The following NRDE2 variants were observed in gnomAD, a reference collection of about 807,000 sequenced individuals.
NRDE2 encodes NRDE-2, necessary for RNA interference, domain containing, also known as nuclear exosome regulator NRDE2.
A neutral mutation model predicts 124.2 loss-of-function variants in NRDE2; 76 were observed. The observed-to-expected ratio is 0.61, with a 90% CI of 0.51 to 0.74. The LOEUF (loss-of-function observed/expected upper bound fraction) is 0.74, where lower values mean the gene tolerates loss of function less well. Among genes scored for constraint, NRDE2 ranks in the 30% least tolerant of loss-of-function variants. The pLI, the probability that NRDE2 is intolerant of heterozygous loss-of-function variation, is 0.00. For missense variants in NRDE2, 1,314 were observed against 1,417.3 expected, an observed-to-expected ratio of 0.93 and a Z score of 1.17; for synonymous variants, 489 against 528.1, an observed-to-expected ratio of 0.93 and a Z score of 1.01.
intron 7 of NRDE2, among the ~76,000 whole-genome samples, chr14:90,298,817 T>G (rs998982294): frequency 6.6e-6 from 1 of 152,168 alleles, no homozygotes; most frequent in Admixed American, 6.5e-5. Context: ...CCAGTTCACC[T>G]AGTATCACTG....
chr14:90,298,230 A>C (rs534162011), intron 8 of NRDE2, 30 bp downstream of exon 8: 1 of 1,608,074 alleles, frequency 6.2e-7, no homozygotes, highest in African/African-American at 1.3e-5. Flanking sequence ...AAGAAACAGA[A>C]GTACACGTCT....
chr14:90,284,653 G>A (rs1222301722), intron 12 of NRDE2, among the ~76,000 whole-genome samples: 1 of 152,142 alleles, frequency 6.6e-6, no homozygotes, highest in Non-Finnish European at 1.5e-5. Context: ...ACAGGCATGA[G>A]CCACCACACC....
chr14:90,320,935 C>G (rs938022420), intron 1 of NRDE2, among the ~76,000 whole-genome samples: 1 of 152,220 alleles, frequency 6.6e-6, no homozygotes, highest in Non-Finnish European at 1.5e-5. Context: ...CTTCTACTCT[C>G]TTTTTCCTTC....
chr14:90,287,888 C>T (rs182434374), intron 11 of NRDE2, among the ~76,000 whole-genome samples: 82 of 152,212 alleles, frequency 5.4e-4, no homozygotes, highest in African/African-American at 1.9e-3. Context: ...CACCTGGCCC[C>T]GGTGCTCTTA....
intron 1 of NRDE2, among the ~76,000 whole-genome samples, chr14:90,321,564 A>AG (rs1595077868): frequency 6.6e-6 from 1 of 151,568 alleles, no homozygotes; most frequent in African/African-American, 2.4e-5. Flanking sequence ...AAAAAAAAAA[A>AG]AAAAGAAAAG....
chr14:90,313,854 T>G (rs1884944768), intron 3 of NRDE2, among the ~76,000 whole-genome samples: 1 of 152,198 alleles, frequency 6.6e-6, no homozygotes, highest in Non-Finnish European at 1.5e-5. Flanking sequence ...AATAAATAGT[T>G]GTTGAATGAT....
chr14:90,298,522 C>G, intron 7 of NRDE2, 142 bp from the exon 8 acceptor site: 1 of 832,724 alleles, frequency 1.2e-6, no homozygotes, highest in Non-Finnish European at 1.9e-6. Flanking sequence ...TAGATACATG[C>G]TACACACCCC....
At chr14:90,315,010 C>T (rs71426950) in intron 3 of NRDE2, among the ~76,000 whole-genome samples, 1 of 151,564 alleles carries the variant, frequency 6.6e-6, no homozygotes, top group African/African-American at 2.4e-5. Context: ...AACCCCGTCT[C>T]TACTAAAAAC....
chr14:90,318,191 A>G (rs1451171532), intron 1 of NRDE2, 78 bp from the exon 2 acceptor site: 8 of 1,147,332 alleles, frequency 7.0e-6, no homozygotes, highest in Non-Finnish European at 1.0e-5. Context: ...CCATCTTATC[A>G]GCTGACATCC....
In NRDE2 at chr14:90,277,693, C is replaced by A. The variant is rs139447815; in HGVS notation, c.*643G>T. 2 of 152,458 alleles carry A rather than the reference C, an allele frequency of 1.3e-5. No individual in the cohort carries two copies. Among genetic ancestry groups the A allele is most frequent in the Non-Finnish European group, 2.9e-5 (2 of 68,116 alleles). 9.4% of individuals were successfully genotyped at this position (152,458 alleles called of 1,614,324 possible). A position where few individuals can be genotyped will look rare whatever the true frequency, so the allele number is the denominator to read the frequency against. ...TGCCAGTGCCCCGGGCAGCCTTCCA[C>A]ACTCAAGTGGCCTGGGACCTGCTGA... On this transcript the variant is annotated 3_prime_UTR_variant, in exon 14 of 14. Transcript: ENST00000354366.
intron 7 of NRDE2, among the ~76,000 whole-genome samples, chr14:90,300,518 G>A (rs904387972): frequency 6.6e-6 from 1 of 151,828 alleles, no homozygotes; most frequent in African/African-American, 2.4e-5. Context: ...TTATTTAGTG[G>A]AAAAAGGGAA....
At position 90,271,539 on chromosome 14, in the gene NRDE2, T is replaced by TA. The variant is rs1162763424; in HGVS notation, c.*6796dup. On this transcript the variant is annotated 3_prime_UTR_variant, in exon 14 of 14. Transcript: ENST00000354366. ...ATTCCATAGTATAGATACTGCCACTTACAGTATCTAACCAGAATACATGTT... is the reference window on the plus strand; with the variant it reads ...ATTCCATAGTATAGATACTGCCACTTAACAGTATCTAACCAGAATACATGTT... The TA allele has an allele frequency of 1.3e-5, 2 of 152,246 alleles. No homozygotes were observed. The highest frequency in any genetic ancestry group is 2.4e-5 in the African/African-American group (1 of 41,456). 9.4% of individuals were successfully genotyped at this position (152,246 alleles called of 1,614,324 possible). A position where few individuals can be genotyped will look rare whatever the true frequency, so the allele number is the denominator to read the frequency against.
In NRDE2 at chr14:90,292,811, C is replaced by T; in HGVS notation, c.1728G>A (p.Arg576=). 6.2e-7 allele frequency: 1 copy of T among 1,614,064 alleles called. No individual in the cohort carries two copies. Among genetic ancestry groups the T allele is most frequent in the Non-Finnish European group, 8.5e-7 (1 of 1,179,894 alleles). ...GCTCAGCAGCAAGCCAGATCTGCCA[C>T]CTGGGCAGAGTCTTATCTTTTATTT... ...DQEIKDKTLP[R]WQIWLAAERS... is the part of the protein sequence containing the mutation. Residue 576 remains arginine, a synonymous_variant, in exon 9 of 14, where the codon AGG becomes AGA. Coordinates refer to ENST00000354366, the MANE Select transcript of NRDE2 (RefSeq NM_017970.4).
intron 1 of NRDE2, among the ~76,000 whole-genome samples, chr14:90,320,258 G>C (rs760147019): frequency 6.6e-6 from 1 of 152,184 alleles, no homozygotes; most frequent in African/African-American, 2.4e-5. Flanking sequence ...CACATAGCTG[G>C]GGAGGCCTCA....
Position 90,269,671 on chromosome 14 carries a change from AT to A in NRDE2, c.*8664del, listed in dbSNP as rs1430247098. 5.3e-6 allele frequency: 6 copies of A among 1,131,640 alleles called. No homozygotes were observed. The highest frequency in any genetic ancestry group is 7.5e-6 in the Non-Finnish European group (6 of 798,598). The allele number at this position is 1,131,640 out of a possible 1,614,324, so 70.1% of individuals were successfully genotyped here. ...AAATACTGCAGTGAAACTTAGGATAATTTACAAAAAAATAGGTCCTCTTGAG... is the reference window on the plus strand; with the variant it reads ...AAATACTGCAGTGAAACTTAGGATAATTACAAAAAAATAGGTCCTCTTGAG... On this transcript the variant is annotated 3_prime_UTR_variant, in exon 14 of 14. Transcript: ENST00000354366.
intron 12 of NRDE2, chr14:90,281,207 G>C (rs1891943192): frequency 6.5e-6 from 1 of 152,742 alleles, no homozygotes; most frequent in African/African-American, 2.4e-5. Flanking sequence ...AGGGCAGACT[G>C]CTTGAGCTCA....
At position 90,269,692 on chromosome 14, in the gene NRDE2, C is replaced by T; in HGVS notation, c.*8644G>A. ...GATAATTTACAAAAAAATAGGTCCT[C>T]TTGAGATGAGGGTTAAAACAGAGCA... is the stretch of plus-strand genomic sequence containing the variant. On this transcript the variant is annotated 3_prime_UTR_variant, in exon 14 of 14. Transcript: ENST00000354366. The T allele has an allele frequency of 1.2e-6, 1 of 862,020 alleles. No homozygotes were observed. The highest frequency in any genetic ancestry group is 1.8e-6 in the Non-Finnish European group (1 of 569,834). 53.4% of individuals were successfully genotyped at this position (862,020 alleles called of 1,614,324 possible).
In NRDE2 at chr14:90,270,228, T is replaced by A. The variant is rs751612223; in HGVS notation, c.*8108A>T. The stretch of plus-strand genomic sequence containing the variant: ...ATTGACAGGAAGATTGAGTTCCCCC[T>A]GCCTGATGAAAAGACGAAGAAGCGC... On this transcript the variant is annotated 3_prime_UTR_variant, in exon 14 of 14. Transcript: ENST00000354366. 2 of 1,613,778 alleles carry A rather than the reference T, an allele frequency of 1.2e-6. No homozygotes were observed. The highest frequency in any genetic ancestry group is 1.1e-5 in the South Asian group (1 of 91,058).
Position 90,277,369 on chromosome 14 carries a change from G to A in NRDE2, c.*967C>T, listed in dbSNP as rs1403039564. ...AACAAAAAAAGCCAGAGAGAAGCTA[G>A]CCAGTCTAGAGCTCGGAGAAGATAA... On this transcript the variant is annotated 3_prime_UTR_variant, in exon 14 of 14. Coordinates refer to ENST00000354366, the MANE Select transcript of NRDE2 (RefSeq NM_017970.4). 1 of 152,310 alleles carries A rather than the reference G, an allele frequency of 6.6e-6. No homozygotes were observed. Among genetic ancestry groups the A allele is most frequent in the Non-Finnish European group, 1.5e-5 (1 of 68,092 alleles). The allele number at this position is 152,310 out of a possible 1,614,324, so 9.4% of individuals were successfully genotyped here.
Sources: allele counts gnomAD v4.1 joint callset (sites outside exome capture counted in the v4.1 genomes callset), GRCh38; gene constraint gnomAD v4.1.1; transcripts MANE v1.5; gene names NCBI Gene and HGNC (gene_info 2026-07-23, HGNC 2026-07-21).